DCAKD: variants seen among roughly 807,000 people sequenced by gnomAD.
DCAKD encodes dephospho-CoA kinase domain containing, also known as dephospho-CoA kinase domain-containing protein.
A neutral mutation model predicts 18.7 loss-of-function variants in DCAKD; 15 were observed. The observed-to-expected ratio is 0.80, with a 90% CI of 0.54 to 1.24. DCAKD has a LOEUF of 1.24. Ranked by LOEUF, DCAKD falls within the 50% of genes most tolerant of loss-of-function variation. The pLI, the probability that DCAKD is intolerant of heterozygous loss-of-function variation, is 0.00. For synonymous variants in DCAKD, 130 were observed against 133.0 expected (o/e 0.98, Z 0.16); for missense variants, 301 against 322.0 (o/e 0.93, Z 0.50).
At chr17:45,033,078 G>T (rs2053206431) in intron 3 of DCAKD, among the ~76,000 whole-genome samples, 1 of 152,198 alleles carries the variant, frequency 6.6e-6, no homozygotes, top group African/African-American at 2.4e-5. Flanking sequence ...AGGTGTGGTG[G>T]CTCATGCCTG....
At chr17:45,049,177 C>G (rs2053636214) in intron 1 of DCAKD, among the ~76,000 whole-genome samples, 1 of 152,146 alleles carries the variant, frequency 6.6e-6, no homozygotes, top group African/African-American at 2.4e-5. Context: ...GTGGCTTACA[C>G]CTCTAATCCC....
chr17:45,060,516 GAAAA>G (rs1260383854), intron 1 of DCAKD, among the ~76,000 whole-genome samples: 1 of 151,130 alleles, frequency 6.6e-6, no homozygotes, highest in Non-Finnish European at 1.5e-5. Flanking sequence ...ATTTAAAAAA[GAAAA>G]AAGAAAGAAA....
chr17:45,060,375 AT>A lies in DCAKD; in HGVS notation c.-118+512del, dbSNP rs1476857273. On this transcript the variant is annotated intron_variant, in intron 1 of 4. Coordinates refer to the DCAKD transcript ENST00000310604. ...CCTCGTCTCTACAAAAAATATATAA[AT>A]TATCCGGGTGTGGTGGCTCATGCCT... Among the ~76,000 whole-genome samples, 14 of 151,954 alleles carry A rather than the reference AT, an allele frequency of 9.2e-5. No individual in the cohort carries two copies. In the East Asian group the frequency reaches 1.9e-3, roughly 21 times the overall value.
At position 45,031,328 on chromosome 17, in the gene DCAKD, T is replaced by C. The variant is rs560775059; in HGVS notation, c.317-1149A>G. 6.1e-6 allele frequency: 6 copies of C among 985,310 alleles called. No individual in the cohort carries two copies. In the Admixed American group the frequency reaches 2.5e-4, roughly 40 times the overall value. 61.0% of individuals were successfully genotyped at this position (985,310 alleles called of 1,614,324 possible). On this transcript the variant is annotated intron_variant, in intron 3 of 4. Transcript: ENST00000651974. ...GAAGCCCACAGTTGAACAAGGGGGT[T>C]AAAACCATAGGCTCTGATGACACAC...
chr17:45,036,851 C>A (rs1394551667), intron 1 of DCAKD, among the ~76,000 whole-genome samples: 1 of 152,176 alleles, frequency 6.6e-6, no homozygotes, highest in Non-Finnish European at 1.5e-5. Flanking sequence ...AGCCTCAAAT[C>A]ACTTCTCCAG....
intron 1 of DCAKD, among the ~76,000 whole-genome samples, chr17:45,035,332 T>C (rs1442575325): frequency 6.6e-6 from 1 of 151,562 alleles, no homozygotes; most frequent in African/African-American, 2.4e-5. Context: ...AATACAAAAA[T>C]TAGCTGGGCG....
At chr17:45,033,876 A>G (rs1386246842) in intron 3 of DCAKD, 4 of 1,301,436 alleles carry the variant, frequency 3.1e-6, no homozygotes, top group Non-Finnish European at 4.0e-6. Flanking sequence ...ACTCAGATCT[A>G]TGGCTCCATT....
At chr17:45,048,904 T>C (rs1202852353) in intron 1 of DCAKD, among the ~76,000 whole-genome samples, 1 of 151,888 alleles carries the variant, frequency 6.6e-6, no homozygotes, top group Non-Finnish European at 1.5e-5. Flanking sequence ...ATTTTCCTAA[T>C]AATCTTGCTT....
At chr17:45,029,206 C>T (rs1004717184) in intron 4 of DCAKD, among the ~76,000 whole-genome samples, 1 of 152,212 alleles carries the variant, frequency 6.6e-6, no homozygotes, top group Non-Finnish European at 1.5e-5. Context: ...AGGATGCCTG[C>T]GTCCCTGCAT....
chr17:45,053,236 T>C (rs2053744396), upstream of DCAKD, among the ~76,000 whole-genome samples: 1 of 117,768 alleles, frequency 8.5e-6, no homozygotes, highest in Non-Finnish European at 1.8e-5. Context: ...CAGGAAGTTG[T>C]TTTTGTTTTT....
upstream of DCAKD, among the ~76,000 whole-genome samples, chr17:45,052,275 G>T (rs1334777743): frequency 6.6e-6 from 1 of 152,124 alleles, no homozygotes; most frequent in Non-Finnish European, 1.5e-5. Flanking sequence ...TATAAAGCTC[G>T]GCCACTCGCT....
Position 45,034,207 on chromosome 17 carries a change from G to A in DCAKD, c.296C>T (p.Thr99Met), listed in dbSNP as rs1247162050. The change falls in exon 3 of 5, where the codon ACG becomes ATG. Residue 99 changes from threonine to methionine, a missense_variant. Transcript: ENST00000651974. ...PEIRKEMMKETFKYFLRGYRY... is the reference protein window; with the variant it reads ...PEIRKEMMKEMFKYFLRGYRY... ...CTTACCCCGGAGGAAGTACTTGAACGTCTCCTTCATCATCTCCTTGCGAAT... is the reference window on the plus strand; with the variant it reads ...CTTACCCCGGAGGAAGTACTTGAACATCTCCTTCATCATCTCCTTGCGAAT... The A allele has an allele frequency of 1.4e-5, 22 of 1,613,798 alleles. No homozygotes were observed. The Middle Eastern group carries it at 4.9e-4, about 36-fold the overall frequency.
chr17:45,053,204 T>C (rs1357510096), upstream of DCAKD, among the ~76,000 whole-genome samples: 1 of 147,232 alleles, frequency 6.8e-6, no homozygotes, highest in African/African-American at 2.5e-5. Flanking sequence ...AAACTAGTTA[T>C]CTAGTTATGC....
chr17:45,036,349 T>C (rs1166913244), intron 1 of DCAKD, among the ~76,000 whole-genome samples: 1 of 152,128 alleles, frequency 6.6e-6, no homozygotes, highest in African/African-American at 2.4e-5. Flanking sequence ...ACCCCGTCTC[T>C]ACTAAAAATA....
chr17:45,036,321 C>T (rs901162638), intron 1 of DCAKD, among the ~76,000 whole-genome samples: 4 of 152,180 alleles, frequency 2.6e-5, no homozygotes, highest in African/African-American at 4.8e-5. Context: ...TCGAGACCAT[C>T]CTGGCTAACA....
chr17:45,034,631 G>C (rs2143236525), intron 2 of DCAKD, 143 bp downstream of exon 2: 1 of 983,472 alleles, frequency 1.0e-6, no homozygotes, highest in Non-Finnish European at 1.5e-6. Context: ...GAGAAGGCAA[G>C]CACGGGGCAG....
chr17:45,030,885 G>T, intron 3 of DCAKD: 1 of 730,828 alleles, frequency 1.4e-6, no homozygotes, highest in Non-Finnish European at 1.7e-6. Context: ...AGTGTAAAAG[G>T]CACTGGCTGG....
intron 3 of DCAKD, 96 bp from the exon 4 acceptor site, chr17:45,030,275 AG>A (rs1394144140): frequency 9.1e-7 from 1 of 1,095,396 alleles, no homozygotes; most frequent in African/African-American, 1.5e-5. Context: ...CGCCCAGCAG[AG>A]GGGCAGGCCT....
chr17:45,055,711 G>A (rs1346745867), upstream of DCAKD, among the ~76,000 whole-genome samples: 2 of 152,148 alleles, frequency 1.3e-5, no homozygotes, highest in Non-Finnish European at 2.9e-5. Context: ...TGGACAGCCT[G>A]TGCTCCCCAC....
Sources: gnomAD v4.1 joint callset for allele counts (sites outside exome capture counted in the v4.1 genomes callset) on GRCh38, gnomAD v4.1.1 for gene constraint, MANE v1.5 for transcripts, NCBI Gene and HGNC (gene_info 2026-07-23, HGNC 2026-07-21) for gene names.